Variants in HECW2 observed in about 807,000 individuals in gnomAD.
HECW2 encodes the protein E3 ubiquitin-protein ligase HECW2.
HECW2 carries 61 observed loss-of-function variants against 175.2 expected under a neutral mutation model. The observed-to-expected ratio is 0.35, with a 90% confidence interval of 0.28 to 0.43. The LOEUF is 0.43. Among genes scored for constraint, HECW2 ranks in the 20% least tolerant of loss-of-function variants. The pLI is 1.00. For missense variants in HECW2, 1,524 were observed against 2,000.5 expected (o/e 0.76, Z 4.54); for synonymous variants, 671 against 731.0 (o/e 0.92, Z 1.32).
intron 22 of HECW2, among the ~76,000 whole-genome samples, chr2:196,226,724 T>C (rs1687865010): frequency 6.6e-6 from 1 of 152,202 alleles, no homozygotes; most frequent in Non-Finnish European, 1.5e-5. Flanking sequence ...AATTCCTTTC[T>C]GAGGAAAGGC....
At chr2:196,568,338 T>TA (rs2125509549) in intron 1 of HECW2, among the ~76,000 whole-genome samples, 2 of 152,306 alleles carry the variant, frequency 1.3e-5, no homozygotes, top group South Asian at 4.2e-4. Flanking sequence ...AAACAGTACT[T>TA]AGTTTCGCCC....
intron 2 of HECW2, among the ~76,000 whole-genome samples, chr2:196,412,973 G>GT (rs1695155206): frequency 6.6e-6 from 1 of 152,190 alleles, no homozygotes; most frequent in Non-Finnish European, 1.5e-5. Context: ...AACTTAACCT[G>GT]TTAACTTCCT....
At chr2:196,566,352 G>T (rs1252444348) in intron 1 of HECW2, among the ~76,000 whole-genome samples, 2 of 150,846 alleles carry the variant, frequency 1.3e-5, no homozygotes, top group Non-Finnish European at 2.9e-5. Flanking sequence ...TTAGGTCTGC[G>T]CCTTTTACTG....
intron 17 of HECW2, 141 bp downstream of exon 17, chr2:196,271,052 G>T: frequency 1.6e-6 from 1 of 618,394 alleles, no homozygotes. Context: ...ACCTGGTGAT[G>T]ATGACAAAAT....
At chr2:196,527,339 C>T (rs997881165) in intron 1 of HECW2, among the ~76,000 whole-genome samples, 9 of 152,248 alleles carry the variant, frequency 5.9e-5, no homozygotes, top group African/African-American at 9.6e-5. Context: ...CTTCGGCTCA[C>T]GCACGGTGCA....
chr2:196,220,202 A>G, intron 25 of HECW2, 49 bp from the exon 26 acceptor site: 1 of 1,180,548 alleles, frequency 8.5e-7, no homozygotes. Flanking sequence ...CTGGAGAAAT[A>G]TCAGCTATAA....
chr2:196,321,120 T>C (rs367984536), intron 7 of HECW2, among the ~76,000 whole-genome samples: 20 of 152,186 alleles, frequency 1.3e-4, no homozygotes, highest in African/African-American at 4.8e-4. Context: ...GCCTGGCCTA[T>C]CACTGATTCT....
chr2:196,247,923 T>C (rs1449384687), intron 19 of HECW2, among the ~76,000 whole-genome samples: 4 of 152,172 alleles, frequency 2.6e-5, no homozygotes, highest in Non-Finnish European at 5.9e-5. Flanking sequence ...GCTCATCTCT[T>C]TCCTGGTTCA....
At chr2:196,500,375 A>ACATG (rs1687536057) in intron 1 of HECW2, among the ~76,000 whole-genome samples, 1 of 152,204 alleles carries the variant, frequency 6.6e-6, no homozygotes, top group Admixed American at 6.5e-5. Context: ...TTACATACAT[A>ACATG]CATGCATACA....
chr2:196,217,166 A>G, intron 26 of HECW2, 73 bp from the exon 27 acceptor site: 5 of 994,988 alleles, frequency 5.0e-6, no homozygotes, highest in East Asian at 2.5e-5. Flanking sequence ...CGTGACACGA[A>G]GAGTCCCCAG....
At chr2:196,250,947 A>G (rs1393740022) in intron 19 of HECW2, among the ~76,000 whole-genome samples, 1 of 152,190 alleles carries the variant, frequency 6.6e-6, no homozygotes, top group East Asian at 1.9e-4. Flanking sequence ...TTTATAACCT[A>G]TTACTTCACA....
At chr2:196,507,156 T>TAC (rs1240503475) in intron 1 of HECW2, among the ~76,000 whole-genome samples, 9 of 17,582 alleles carry the variant, frequency 5.1e-4, no homozygotes, top group Non-Finnish European at 1.4e-3. Context: ...GTGTATATTA[T>TAC]ACACACACTA....
At chr2:196,215,751 G>C in intron 28 of HECW2, 114 bp downstream of exon 28, 2 of 706,308 alleles carry the variant, frequency 2.8e-6, no homozygotes, top group East Asian at 2.8e-5. Flanking sequence ...CATTCTAAGA[G>C]CTTTTCCGCT....
intron 1 of HECW2, among the ~76,000 whole-genome samples, chr2:196,461,299 A>G (rs547215533): frequency 4.6e-5 from 7 of 152,294 alleles, no homozygotes; most frequent in Admixed American, 2.0e-4. Flanking sequence ...AAAAACCACA[A>G]TAAGATACTA....
intron 2 of HECW2, among the ~76,000 whole-genome samples, chr2:196,377,547 T>C (rs1182982295): frequency 6.6e-6 from 1 of 152,196 alleles, no homozygotes; most frequent in East Asian, 1.9e-4. Flanking sequence ...ATGAGACTTA[T>C]TCACTATCAT....
chr2:196,371,238 C>T (rs1235783911), intron 2 of HECW2, among the ~76,000 whole-genome samples: 1 of 152,050 alleles, frequency 6.6e-6, no homozygotes, highest in Non-Finnish European at 1.5e-5. Flanking sequence ...TTAATGTACA[C>T]GTATAGGTAC....
chr2:196,465,010 C>T (rs547230400), intron 1 of HECW2, among the ~76,000 whole-genome samples: 1 of 152,134 alleles, frequency 6.6e-6, no homozygotes, highest in South Asian at 2.1e-4. Flanking sequence ...CACTCCAGCC[C>T]GGGTGACAGT....
chr2:196,246,335 G>GA, intron 19 of HECW2, among the ~76,000 whole-genome samples: 1 of 152,204 alleles, frequency 6.6e-6, no homozygotes, highest in South Asian at 2.1e-4. Flanking sequence ...TGATAAGAGA[G>GA]AGAAAAATGA....
chr2:196,352,342 C>G (rs1013950522), intron 2 of HECW2, among the ~76,000 whole-genome samples: 2 of 152,130 alleles, frequency 1.3e-5, no homozygotes, highest in East Asian at 3.9e-4. Flanking sequence ...CAGCACATTA[C>G]TGGGTAGAAA....
Sources: allele counts gnomAD v4.1 joint callset (sites outside exome capture counted in the v4.1 genomes callset), GRCh38; gene constraint gnomAD v4.1.1; transcripts MANE v1.5; gene names NCBI Gene and HGNC (gene_info 2026-07-23, HGNC 2026-07-21).